The following NR3C2 variants were observed in gnomAD, a reference collection of about 807,000 sequenced individuals.
The protein encoded by NR3C2 is nuclear receptor subfamily 3 group C member 2, also known as mineralocorticoid receptor.
A neutral mutation model predicts 86.4 loss-of-function variants in NR3C2; 15 were observed. The observed-to-expected ratio is 0.17, with a 90% CI of 0.12 to 0.27. The LOEUF is 0.27. Ranked by LOEUF, NR3C2 falls within the 10% of genes least tolerant of loss-of-function variation. The pLI, the probability that NR3C2 is intolerant of heterozygous loss-of-function variation, is 1.00. For synonymous variants in NR3C2, 458 were observed against 450.5 expected, an observed-to-expected ratio of 1.02 and a Z score of -0.21; for missense variants, 960 against 1,195.6, an observed-to-expected ratio of 0.80 and a Z score of 2.91.
At chr4:148,433,144 T>C (rs1454595293) in intron 2 of NR3C2, among the ~76,000 whole-genome samples, 2 of 152,160 alleles carry the variant, frequency 1.3e-5, no homozygotes, top group East Asian at 1.9e-4. Flanking sequence ...GCACGGGTCA[T>C]TGGACCATCA....
At chr4:148,415,519 C>A (rs1748948482) in intron 2 of NR3C2, among the ~76,000 whole-genome samples, 1 of 152,066 alleles carries the variant, frequency 6.6e-6, no homozygotes, top group South Asian at 2.1e-4. Flanking sequence ...CAAATGGCCC[C>A]ATAACTTTAA....
At chr4:148,217,876 C>T (rs887999114) in intron 3 of NR3C2, among the ~76,000 whole-genome samples, 15 of 152,174 alleles carry the variant, frequency 9.9e-5, no homozygotes, top group African/African-American at 3.1e-4. Context: ...CTGCAGCCTT[C>T]GTAATGAACC....
chr4:148,154,600 T>C lies in NR3C2; in HGVS notation c.2316A>G (p.Leu772=). 2 of 1,614,204 alleles carry C rather than the reference T, an allele frequency of 1.2e-6. No individual in the cohort carries two copies. The highest frequency in any genetic ancestry group is 8.5e-7 in the Non-Finnish European group (1 of 1,180,034). The change falls in exon 5 of 9, where the codon TTA becomes TTG. Residue 772 remains leucine (L), a synonymous_variant. Transcript: ENST00000358102. The part of the protein sequence containing the change: ...AENLLSTLNR[L]AGKQMIQVVK... ...CGACTTGGATCATCTGTTTGCCTGC[T>C]AAGCGGTTGAGCGTGGAGAGCAGAT...
intron 2 of NR3C2, among the ~76,000 whole-genome samples, chr4:148,303,967 G>A (rs1026394440): frequency 2.6e-5 from 4 of 152,236 alleles, no homozygotes; most frequent in Non-Finnish European, 5.9e-5. Context: ...CCAGGACTCA[G>A]GGATGCGAGG....
Position 148,369,412 on chromosome 4 carries a change from T to C in NR3C2, c.1757+65692A>G, listed in dbSNP as rs544435909. Among the ~76,000 whole-genome samples the C allele has an allele frequency of 4.9e-4, 74 of 152,346 alleles. No homozygotes were observed. In the Middle Eastern group the frequency reaches 0.017, roughly 35 times the overall value. On this transcript the variant is annotated intron_variant, in intron 2 of 8. Coordinates refer to ENST00000358102, the MANE Select transcript of NR3C2 (RefSeq NM_000901.5). The stretch of plus-strand genomic sequence containing the variant: ...ATTTGTATTTCCCCAACGTGCTTTA[T>C]GATGATAGCATTTGCCCACAGAAAT...
chr4:148,379,478 A>G (rs1746852637), intron 2 of NR3C2, among the ~76,000 whole-genome samples: 1 of 152,200 alleles, frequency 6.6e-6, no homozygotes, highest in South Asian at 2.1e-4. Context: ...GAGCCAGGAT[A>G]TATCTGAAGA....
intron 4 of NR3C2, among the ~76,000 whole-genome samples, chr4:148,169,947 A>G (rs1449919430): frequency 6.6e-6 from 1 of 152,234 alleles, no homozygotes; most frequent in Non-Finnish European, 1.5e-5. Flanking sequence ...AGATTACAGA[A>G]AGCAGGAGAA....
chr4:148,173,357 C>T (rs1260546316), intron 4 of NR3C2, among the ~76,000 whole-genome samples: 7 of 152,096 alleles, frequency 4.6e-5, no homozygotes, highest in African/African-American at 1.7e-4. Flanking sequence ...GGGTGTGTGC[C>T]ATGTAATCAT....
At chr4:148,230,614 A>G (rs1413822769) in intron 3 of NR3C2, among the ~76,000 whole-genome samples, 3 of 152,336 alleles carry the variant, frequency 2.0e-5, no homozygotes, top group Admixed American at 6.5e-5. Context: ...GTCAATTTGT[A>G]TAGGATTTTT....
At chr4:148,113,789 C>T (rs148369071) in intron 8 of NR3C2, among the ~76,000 whole-genome samples, 27 of 152,252 alleles carry the variant, frequency 1.8e-4, no homozygotes, top group Middle Eastern at 3.4e-3. Context: ...TCCAGGGGAT[C>T]GAGGCCCTTT....
chr4:148,316,793 G>A (rs747472915), intron 2 of NR3C2, among the ~76,000 whole-genome samples: 89 of 151,794 alleles, frequency 5.9e-4, no homozygotes, highest in Non-Finnish European at 1.1e-3. Context: ...CTTTTTTGTT[G>A]TTGTTGTTGT....
chr4:148,303,968 G>A (rs1358776580), intron 2 of NR3C2, among the ~76,000 whole-genome samples: 2 of 152,200 alleles, frequency 1.3e-5, no homozygotes, highest in Non-Finnish European at 2.9e-5. Context: ...CAGGACTCAG[G>A]GATGCGAGGA....
Position 148,154,779 on chromosome 4 carries a change from G to A in NR3C2, c.2137C>T (p.Pro713Ser), listed in dbSNP as rs1278796884. 7.2e-7 allele frequency: 1 copy of A among 1,391,560 alleles called. No homozygotes were observed. The allele number at this position is 1,391,560 out of a possible 1,614,324, so 86.2% of individuals were successfully genotyped here. A position where few individuals can be genotyped will look rare whatever the true frequency, so the allele number is the denominator to read the frequency against. ...GTGTTGACCGAGGGTTCTTTTGCAG[G>A]AGCGATGTACGTTGTCCCTTCCTCT... ...SPEEGTTYIA[P>S]AKEPSVNTAL... Residue 713 changes from proline (P) to serine (S), a missense_variant, in exon 5 of 9, where the codon CCT (proline) becomes TCT (serine). Physicochemically the swap from Pro to Ser is moderately conservative, Grantham distance 74. Around this residue, in one of 4 missense-constraint regions of NR3C2, gnomAD observed 82 missense variants for 73.0 expected, o/e 1.12. Transcript: ENST00000358102.
At chr4:148,169,815 C>G (rs1048133125) in intron 4 of NR3C2, among the ~76,000 whole-genome samples, 32 of 152,168 alleles carry the variant, frequency 2.1e-4, no homozygotes, top group African/African-American at 7.0e-4. Context: ...CTTGGGCTGC[C>G]CAAAGTACAC....
intron 3 of NR3C2, among the ~76,000 whole-genome samples, chr4:148,225,158 C>T (rs1483697189): frequency 1.3e-5 from 2 of 152,138 alleles, no homozygotes; most frequent in Admixed American, 6.5e-5. Context: ...CCTGGCTTAA[C>T]TAGAATGCAG....
intron 2 of NR3C2, among the ~76,000 whole-genome samples, chr4:148,419,806 G>A (rs1347774837): frequency 6.6e-6 from 1 of 151,992 alleles, no homozygotes; most frequent in Non-Finnish European, 1.5e-5. Flanking sequence ...TTAATTTTCT[G>A]TTCTCCACCA....
At position 148,442,241 on chromosome 4, in the gene NR3C2, C is replaced by A. The variant is rs1376490986; in HGVS notation, c.-84G>T. The A allele has an allele frequency of 2.0e-5, 3 of 153,048 alleles. No individual in the cohort carries two copies. Among genetic ancestry groups the A allele is most frequent in the Non-Finnish European group, 4.4e-5 (3 of 68,662 alleles). The allele number at this position is 153,048 out of a possible 1,614,324, so 9.5% of individuals were successfully genotyped here. A position where few individuals can be genotyped will look rare whatever the true frequency, so the allele number is the denominator to read the frequency against. The stretch of plus-strand genomic sequence containing the variant: ...CACGAAACCCCTGCTGCGGAGCCCC[C>A]CTAAATCCAACCACATCCAGGCCAG... On this transcript the variant is annotated 5_prime_UTR_variant, in exon 1 of 9. Transcript: ENST00000358102.
intron 2 of NR3C2, among the ~76,000 whole-genome samples, chr4:148,362,630 A>T (rs900282989): frequency 6.6e-6 from 1 of 152,176 alleles, no homozygotes; most frequent in African/African-American, 2.4e-5. Flanking sequence ...GTGTGCCGAG[A>T]CTATACAGCA....
At chr4:148,345,042 A>C (rs1744923822) in intron 2 of NR3C2, among the ~76,000 whole-genome samples, 1 of 152,290 alleles carries the variant, frequency 6.6e-6, no homozygotes, top group South Asian at 2.1e-4. Context: ...TGTTCTTTCC[A>C]AAACTTTTAA....
Sources: allele counts gnomAD v4.1 joint callset (sites outside exome capture counted in the v4.1 genomes callset), GRCh38; gene constraint gnomAD v4.1.1; regional missense constraint gnomAD v4.1.1; transcripts MANE v1.5; gene names NCBI Gene and HGNC (gene_info 2026-07-23, HGNC 2026-07-21).